ITPR3: variants seen among roughly 807,000 people sequenced by gnomAD.
ITPR3 encodes inositol 1,4,5-trisphosphate-gated calcium channel ITPR3.
A neutral mutation model predicts 293.2 loss-of-function variants in ITPR3; 173 were observed. The observed-to-expected ratio is 0.59, with a 90% CI of 0.52 to 0.67. The LOEUF (loss-of-function observed/expected upper bound fraction) is 0.67, where lower values mean the gene tolerates loss of function less well. ITPR3 is among the 30% of genes least tolerant of loss of function. ITPR3 has a pLI of 0.00. For synonymous variants in ITPR3, 1,295 were observed against 1,444.4 expected, an observed-to-expected ratio of 0.90 and a Z score of 2.35; for missense variants, 2,796 against 3,592.1, an observed-to-expected ratio of 0.78 and a Z score of 5.66.
At chr6:33,640,041 CT>C (rs1233706584) in intron 1 of ITPR3, among the ~76,000 whole-genome samples, 2 of 152,132 alleles carry the variant, frequency 1.3e-5, no homozygotes, top group African/African-American at 4.8e-5. Context: ...GTTTCTTATG[CT>C]TTTTGTCTTT....
At chr6:33,648,429 T>C (rs1256639484) in intron 2 of ITPR3, among the ~76,000 whole-genome samples, 2 of 152,070 alleles carry the variant, frequency 1.3e-5, no homozygotes, top group African/African-American at 4.8e-5. Flanking sequence ...GATGATAATT[T>C]AGCTTTCATG....
At position 33,658,814 on chromosome 6, in the gene ITPR3, A is replaced by G; in HGVS notation, c.514A>G (p.Ser172Gly). The G allele has an allele frequency of 6.2e-7, 1 of 1,614,098 alleles. No individual in the cohort carries two copies. Among genetic ancestry groups the G allele is most frequent in the South Asian group, 1.1e-5 (1 of 91,070 alleles). The change falls in exon 5 of 58, where the codon AGC (serine) becomes GGC (glycine). Residue 172 changes from serine (S) to glycine (G), a missense_variant. This residue lies in a region of ITPR3 where 144 missense variants were observed against 230.8 expected (regional missense o/e 0.62). Transcript: ENST00000605930. This position sits in a 1 kb window ranked among gnomAD's most constrained non-coding sequence, Gnocchi z 6.1. ...CATCCAGCCCTTCTGGAAGCTGCGG[A>G]GCAACGGGGACAACGTGAGGGCAGG... ...LFIQPFWKLR[S>G]NGDNVVVGDK... is the part of the protein sequence containing the mutation.
chr6:33,670,773 C>T lies in ITPR3; in HGVS notation c.2544C>T (p.Ala848=), dbSNP rs777082602. 5.0e-6 allele frequency: 8 copies of T among 1,613,930 alleles called. No individual in the cohort carries two copies. Among genetic ancestry groups the T allele is most frequent in the Admixed American group, 1.7e-5 (1 of 60,002 alleles). Residue 848 remains alanine (A), a synonymous_variant, in exon 20 of 58, where the codon GCC becomes GCT. Transcript: ENST00000605930. The surrounding 1 kb of genome is among the most constrained non-coding windows in gnomAD (Gnocchi z 6.7). ...EDYLNNVVSE[A]VPFANEEKNK... ...ACCTCAACAATGTAGTCAGCGAGGCCGTGCCCTTTGCCAACGAGGAGAAGA... is the reference window on the plus strand; with the variant it reads ...ACCTCAACAATGTAGTCAGCGAGGCTGTGCCCTTTGCCAACGAGGAGAAGA...
chr6:33,658,595 A>T lies in ITPR3; in HGVS notation c.370-75A>T. On this transcript the variant is annotated intron_variant, in intron 4 of 57. Coordinates refer to ENST00000605930, the MANE Select transcript of ITPR3 (RefSeq NM_002224.4). The surrounding 1 kb of genome is among the most constrained non-coding windows in gnomAD (Gnocchi z 6.1). ...CAGAATGTGACCAAGGGTCTAGGGG[A>T]TCCCCCCATATCCCCTCCCTAATGG... 1.3e-6 allele frequency: 2 copies of T among 1,539,164 alleles called. No homozygotes were observed. The highest frequency in any genetic ancestry group is 2.4e-5 in the South Asian group (2 of 84,162).
In ITPR3 at chr6:33,627,640, A is replaced by G. The variant is rs550795060; in HGVS notation, c.89+5949A>G. ...TCAGGTAATACGTTCCCAGAAATGG[A>G]GATCAAAGACAAGGTACACCTTTAA... On this transcript the variant is annotated intron_variant, in intron 1 of 57. Coordinates refer to ENST00000605930, the MANE Select transcript of ITPR3 (RefSeq NM_002224.4). 2.6e-5 allele frequency among the ~76,000 whole-genome samples: 4 copies of G among 152,342 alleles called. No individual in the cohort carries two copies. The South Asian group carries it at 8.3e-4, about 32-fold the overall frequency.
chr6:33,623,721 A>G (rs1162393877), intron 1 of ITPR3, among the ~76,000 whole-genome samples: 1 of 152,060 alleles, frequency 6.6e-6, no homozygotes, highest in Non-Finnish European at 1.5e-5. Flanking sequence ...GTTGCCTCCA[A>G]AACTTCCTCC....
In ITPR3 at chr6:33,691,831, C is replaced by T; in HGVS notation, c.7361C>T (p.Ala2454Val). The T allele has an allele frequency of 1.2e-6, 2 of 1,614,100 alleles. No homozygotes were observed. The highest frequency in any genetic ancestry group is 1.7e-6 in the Non-Finnish European group (2 of 1,179,992). ...AGGGAGCTGGACAGCACAGAGCGGG[C>T]CTGTGACACTCTGTTGATGTGCATC... ...EDRELDSTER[A>V]CDTLLMCIVT... is the part of the protein sequence containing the mutation. The change falls in exon 54 of 58, where the codon GCC becomes GTC. Residue 2454 changes from alanine (A) to valine (V), a missense_variant. Around this residue, in one of 8 missense-constraint regions of ITPR3, gnomAD observed 568 missense variants for 796.1 expected, o/e 0.71. Coordinates refer to ENST00000605930, the MANE Select transcript of ITPR3 (RefSeq NM_002224.4). The surrounding 1 kb of genome is among the most constrained non-coding windows in gnomAD (Gnocchi z 4.9).
In ITPR3 at chr6:33,695,736, C is replaced by T; in HGVS notation, c.7972C>T (p.Gln2658Ter). 1 of 1,614,168 alleles carries T rather than the reference C, an allele frequency of 6.2e-7. No individual in the cohort carries two copies. The highest frequency in any genetic ancestry group is 8.5e-7 in the Non-Finnish European group (1 of 1,180,034). ...EQMTEQRKRRQRLGFVDVQNC... is the reference protein window; with the variant it reads ...EQMTEQRKRR ...GATGACGGAGCAGCGGAAACGCAGG[C>T]AACGCCTAGGCTTTGTGGATGTCCA... Residue 2658 changes from glutamine (Q) to a stop codon, truncating the protein, a stop_gained, in exon 58 of 58, where the codon CAA (glutamine) becomes TAA (stop). Transcript: ENST00000605930. LOFTEE classifies it high-confidence loss of function.
At position 33,687,180 on chromosome 6, in the gene ITPR3, C is replaced by T; in HGVS notation, c.6076-46C>T. On this transcript the variant is annotated intron_variant, in intron 44 of 57. Transcript: ENST00000605930. The surrounding 1 kb of genome is among the most constrained non-coding windows in gnomAD (Gnocchi z 5.3). Reference sequence around the variant, plus strand: ...GATGGGGATGAGGGCCCGGCTGGCCCTACCGCCCTAGGAAGAGAGCATTGG... The same window carrying T: ...GATGGGGATGAGGGCCCGGCTGGCCTTACCGCCCTAGGAAGAGAGCATTGG... 1 of 1,596,652 alleles carries T rather than the reference C, an allele frequency of 6.3e-7. No homozygotes were observed.
At position 33,676,761 on chromosome 6, in the gene ITPR3, C is replaced by T; in HGVS notation, c.3283-7C>T. 1.2e-6 allele frequency: 2 copies of T among 1,614,016 alleles called. No homozygotes were observed. Among genetic ancestry groups the T allele is most frequent in the Non-Finnish European group, 1.7e-6 (2 of 1,179,916 alleles). ...TCTCACCAGCCAGGCCCATCCTCCA[C>T]CTTCAGGTTCAGCTGCTGATCTCAG... On this transcript the variant is annotated splice_region_variant and splice_polypyrimidine_tract_variant and intron_variant, in intron 25 of 57. Coordinates refer to ENST00000605930, the MANE Select transcript of ITPR3 (RefSeq NM_002224.4).
In ITPR3 at chr6:33,624,053, A is replaced by G. The variant is rs1474542803; in HGVS notation, c.89+2362A>G. On this transcript the variant is annotated intron_variant, in intron 1 of 57. Coordinates refer to ENST00000605930, the MANE Select transcript of ITPR3 (RefSeq NM_002224.4). The surrounding 1 kb of genome is among the most constrained non-coding windows in gnomAD (Gnocchi z 4.7). ...TGCTCTTGGGTTGTTCCCGCCCTTT[A>G]GCAAGCAAGTCTCCACCTGGGTAAA... Among the ~76,000 whole-genome samples, 1 of 152,144 alleles carries G rather than the reference A, an allele frequency of 6.6e-6. No homozygotes were observed. Among genetic ancestry groups the G allele is most frequent in the African/African-American group, 2.4e-5 (1 of 41,418 alleles).
rs777044342 is a variant in ITPR3, at chr6:33,680,082, G to A, written c.4173G>A (p.Leu1391=). ...CTGAGATCAAGTGCACCTCCCTGCT[G>A]CCGCTGGAGGACGTGGTGTCTGTGG... The part of the protein sequence containing the change: ...VYTEIKCTSL[L]PLEDVVSVVT... Residue 1391 remains leucine, a synonymous_variant, in exon 31 of 58, where the codon CTG becomes CTA. Coordinates refer to ENST00000605930, the MANE Select transcript of ITPR3 (RefSeq NM_002224.4). The A allele has an allele frequency of 5.0e-6, 8 of 1,613,732 alleles. No homozygotes were observed. Among genetic ancestry groups the A allele is most frequent in the African/African-American group, 1.3e-5 (1 of 75,070 alleles).
intron 50 of ITPR3, 27 bp from the exon 51 acceptor site, chr6:33,690,007 A>AC (rs1420026895): frequency 6.2e-7 from 1 of 1,613,412 alleles, no homozygotes; most frequent in Admixed American, 1.7e-5. Flanking sequence ...TAGGGTGCTG[A>AC]CTCTCATGCC....
intron 33 of ITPR3, among the ~76,000 whole-genome samples, chr6:33,681,714 A>T (rs987763609): frequency 5.3e-5 from 8 of 152,146 alleles, no homozygotes; most frequent in African/African-American, 1.9e-4. Context: ...TCTGGGGGGA[A>T]AAATGCTGAG....
At chr6:33,677,867 G>C (rs984365202) in intron 28 of ITPR3, among the ~76,000 whole-genome samples, 2 of 152,074 alleles carry the variant, frequency 1.3e-5, no homozygotes, top group African/African-American at 4.8e-5. Context: ...CCAGCCTTAT[G>C]CTGATTCTTG....
intron 7 of ITPR3, among the ~76,000 whole-genome samples, chr6:33,661,504 G>A (rs1764462715): frequency 6.6e-6 from 1 of 152,246 alleles, no homozygotes; most frequent in Non-Finnish European, 1.5e-5. Context: ...CCAGAGGGTT[G>A]ATGTGAGGAT....
chr6:33,677,109 C>T lies in ITPR3; in HGVS notation c.3522+20C>T, dbSNP rs547495820. 3.2e-5 allele frequency: 52 copies of T among 1,610,284 alleles called. No homozygotes were observed. The highest frequency in any genetic ancestry group is 6.7e-5 in the African/African-American group (5 of 74,870). ...AAGGGCGTGAGTGGCCAAGGGTCCT[C>T]GGGGTAGGGATCTGCAGCCCCAGTG... On this transcript the variant is annotated intron_variant, in intron 27 of 57. Coordinates refer to ENST00000605930, the MANE Select transcript of ITPR3 (RefSeq NM_002224.4).
Position 33,682,582 on chromosome 6 carries a change from C to T in ITPR3, c.4535C>T (p.Pro1512Leu), listed in dbSNP as rs771517190. The T allele has an allele frequency of 3.1e-6, 5 of 1,593,616 alleles. No individual in the cohort carries two copies. The highest frequency in any genetic ancestry group is 1.4e-5 in the African/African-American group (1 of 73,494). The change falls in exon 34 of 58, where the codon CCG becomes CTG. Residue 1512 changes from proline (P) to leucine (L), a missense_variant. Around this residue, in one of 8 missense-constraint regions of ITPR3, gnomAD observed 704 missense variants for 797.5 expected, o/e 0.88. Transcript: ENST00000605930. This position sits in a 1 kb window ranked among gnomAD's most constrained non-coding sequence, Gnocchi z 5.4. The part of the protein sequence containing the change: ...LQSTTRLLEC[P>L]WLQQQHKGSV... ...TCTACCACACGCCTCCTCGAGTGTC[C>T]GTGGCTACAGCAGCAGCACAAGGGC...
Position 33,633,645 on chromosome 6 carries a change from A to T in ITPR3, c.90-6839A>T, listed in dbSNP as rs1466777391. On this transcript the variant is annotated intron_variant, in intron 1 of 57. Coordinates refer to ENST00000605930, the MANE Select transcript of ITPR3 (RefSeq NM_002224.4). This position sits in a 1 kb window ranked among gnomAD's most constrained non-coding sequence, Gnocchi z 5.2. ...GCGCGGCGTCCTGGCAGCGGCCGGC[A>T]GTCGGAGGCAGGCCGGGGCGAGGCC... Among the ~76,000 whole-genome samples, 1 of 150,852 alleles carries T rather than the reference A, an allele frequency of 6.6e-6. No homozygotes were observed. The highest frequency in any genetic ancestry group is 1.9e-4 in the East Asian group (1 of 5,168).
Sources: gnomAD v4.1 joint callset for allele counts (sites outside exome capture counted in the v4.1 genomes callset) on GRCh38, gnomAD v4.1.1 for gene constraint, gnomAD v4.1.1 regional missense constraint, Gnocchi (gnomAD v3.1) non-coding constraint, MANE v1.5 for transcripts, NCBI Gene and HGNC (gene_info 2026-07-23, HGNC 2026-07-21) for gene names.